WDR1: variants seen among roughly 807,000 people sequenced by gnomAD.
The protein encoded by WDR1 is WD repeat domain 1, also known as WD repeat-containing protein 1.
WDR1 carries 21 observed loss-of-function variants against 71.9 expected under a neutral mutation model. That is an observed-to-expected ratio of 0.29 (90% CI 0.21 to 0.42). WDR1 has a LOEUF of 0.42. Ranked by LOEUF, WDR1 falls within the 10% of genes least tolerant of loss-of-function variation. The pLI, the probability that WDR1 is intolerant of heterozygous loss-of-function variation, is 1.00. For synonymous variants in WDR1, 424 were observed against 347.4 expected (o/e 1.22, Z -2.45); for missense variants, 696 against 824.5 (o/e 0.84, Z 1.91).
At position 10,111,046 on chromosome 4, in the gene WDR1, C is replaced by T. The variant is rs531472719; in HGVS notation, c.138+5067G>A. Among the ~76,000 whole-genome samples the T allele has an allele frequency of 7.5e-4, 114 of 152,372 alleles. No individual in the cohort carries two copies. The Middle Eastern group carries it at 0.014, about 18-fold the overall frequency. Reference sequence around the variant, plus strand: ...CACCACGCAACGGAACCTGCGCTGACGCCGCCTTCATCTTTGAGCAGCTTC... The same window carrying T: ...CACCACGCAACGGAACCTGCGCTGATGCCGCCTTCATCTTTGAGCAGCTTC... On this transcript the variant is annotated intron_variant, in intron 2 of 14. Transcript: ENST00000499869.
At chr4:10,084,277 C>T (rs1161459280) in intron 9 of WDR1, 166 bp downstream of exon 9, 5 of 619,692 alleles carry the variant, frequency 8.1e-6, no homozygotes, top group Non-Finnish European at 1.5e-5. Context: ...GTTGCCTGTC[C>T]CCATGTACAG....
intron 10 of WDR1, among the ~76,000 whole-genome samples, chr4:10,082,113 C>T (rs1765039002): frequency 6.6e-6 from 1 of 152,198 alleles, no homozygotes; most frequent in African/African-American, 2.4e-5. Flanking sequence ...GTGGGGTCAC[C>T]ACAGGGCAGT....
intron 2 of WDR1, among the ~76,000 whole-genome samples, chr4:10,115,092 C>A (rs933373922): frequency 6.6e-6 from 1 of 152,216 alleles, no homozygotes; most frequent in African/African-American, 2.4e-5. Context: ...AAGTTGACAA[C>A]CCTTGTATGC....
chr4:10,091,478 G>A (rs992094185), intron 5 of WDR1: 1 of 152,260 alleles, frequency 6.6e-6, no homozygotes, highest in African/African-American at 2.4e-5. Flanking sequence ...TTCTTCACAG[G>A]AGAACACCAG....
rs1232053108 is a variant in WDR1 at position 10,103,844 on chromosome 4, A to G, written c.229+52T>C. 1.9e-5 allele frequency: 24 copies of G among 1,283,496 alleles called. No homozygotes were observed. The East Asian group carries it at 1.1e-3, about 60-fold the overall frequency. The allele number at this position is 1,283,496 out of a possible 1,614,324, so 79.5% of individuals were successfully genotyped here. On this transcript the variant is annotated intron_variant, in intron 3 of 14. Transcript: ENST00000499869. The stretch of plus-strand genomic sequence containing the variant: ...AAGCCCAGCTTCGCCCTGGGCCCTG[A>G]GCGCCACCCAGGCCCCCACAGGTGT...
At chr4:10,083,420 T>TA (rs1300188573) in intron 9 of WDR1, among the ~76,000 whole-genome samples, 1 of 152,192 alleles carries the variant, frequency 6.6e-6, no homozygotes, top group African/African-American at 2.4e-5. Context: ...GCTGAAGGCC[T>TA]ACTGGGGACC....
At chr4:10,087,470 C>A (rs1045230590) in intron 8 of WDR1, among the ~76,000 whole-genome samples, 1 of 152,252 alleles carries the variant, frequency 6.6e-6, no homozygotes, top group South Asian at 2.1e-4. Context: ...CCTGACTCTC[C>A]AGTTCTCACA....
At chr4:10,110,778 T>TCTTTGTGGAAGGACGGCC (rs1273383867) in intron 2 of WDR1, among the ~76,000 whole-genome samples, 1 of 152,194 alleles carries the variant, frequency 6.6e-6, no homozygotes, top group Non-Finnish European at 1.5e-5. Context: ...GCTGGACAGT[T>TCTTTGTGGAAGGACGGCC]CTTTGTGGAA....
chr4:10,078,864 A>T, intron 12 of WDR1, 27 bp downstream of exon 12: 5 of 1,586,876 alleles, frequency 3.2e-6, no homozygotes, highest in African/African-American at 1.3e-5. Flanking sequence ...AAGGACAGAG[A>T]GCACGGGGGA....
At chr4:10,104,157 A>G (rs1193704397) in intron 2 of WDR1, among the ~76,000 whole-genome samples, 171 bp from the exon 3 acceptor site, 1 of 152,176 alleles carries the variant, frequency 6.6e-6, no homozygotes, top group Non-Finnish European at 1.5e-5. Flanking sequence ...CTGCCTGCCT[A>G]CCTATCTCTG....
chr4:10,101,045 G>A (rs73212861), intron 3 of WDR1, among the ~76,000 whole-genome samples: 2,093 of 152,362 alleles, frequency 0.014, 16 homozygotes, highest in Middle Eastern at 0.041. Flanking sequence ...CTGGGCCTAC[G>A]TAAGGCCAAA....
chr4:10,083,580 C>T (rs746431775), intron 9 of WDR1: 11 of 479,114 alleles, frequency 2.3e-5, no homozygotes, highest in Non-Finnish European at 4.1e-5. Context: ...GGGTCCCGGA[C>T]AGTCCCTTTG....
At chr4:10,088,502 G>C (rs1346754871) in intron 6 of WDR1, 129 bp from the exon 7 acceptor site, 1 of 1,151,738 alleles carries the variant, frequency 8.7e-7, no homozygotes. Context: ...TTTAAAAGCA[G>C]ACATGCATTT....
At chr4:10,091,720 G>A (rs1243395163) in intron 5 of WDR1, 1 of 152,352 alleles carries the variant, frequency 6.6e-6, no homozygotes, top group Non-Finnish European at 1.5e-5. Flanking sequence ...GTCATGCACT[G>A]AGGGCCTGTT....
chr4:10,089,834 A>T (rs376219412), intron 5 of WDR1, among the ~76,000 whole-genome samples: 7 of 152,226 alleles, frequency 4.6e-5, no homozygotes, highest in African/African-American at 1.4e-4. Context: ...CCTGTGTTTG[A>T]TTGTGTAATG....
intron 2 of WDR1, among the ~76,000 whole-genome samples, chr4:10,109,215 G>T (rs1460382256): frequency 6.6e-6 from 1 of 152,266 alleles, no homozygotes; most frequent in African/African-American, 2.4e-5. Flanking sequence ...AGGCCACCCA[G>T]CTGTTAAGTG....
At chr4:10,077,686 A>G (rs1004894017) in intron 13 of WDR1, 67 bp downstream of exon 13, 2 of 1,482,396 alleles carry the variant, frequency 1.3e-6, no homozygotes, top group African/African-American at 1.4e-5. Context: ...ACCAAGTCAC[A>G]GATAACCTCC....
At chr4:10,097,620 G>C in intron 5 of WDR1, 91 bp downstream of exon 5, 3 of 1,440,652 alleles carry the variant, frequency 2.1e-6, no homozygotes, top group Non-Finnish European at 2.8e-6. Context: ...GGCATGTGCT[G>C]TGGTCTCTGC....
intron 2 of WDR1, among the ~76,000 whole-genome samples, chr4:10,106,009 A>G (rs969147776): frequency 2.0e-5 from 3 of 152,082 alleles, no homozygotes; most frequent in Non-Finnish European, 2.9e-5. Flanking sequence ...CAGACAGAAA[A>G]GACTACACAT....
Sources: allele counts gnomAD v4.1 joint callset (sites outside exome capture counted in the v4.1 genomes callset), GRCh38; gene constraint gnomAD v4.1.1; transcripts MANE v1.5; gene names NCBI Gene and HGNC (gene_info 2026-07-23, HGNC 2026-07-21).